The following AQR variants were observed in gnomAD, a reference collection of about 807,000 sequenced individuals.
The protein encoded by AQR is aquarius intron-binding spliceosomal factor, also known as RNA helicase aquarius.
A neutral mutation model predicts 180.5 loss-of-function variants in AQR; 61 were observed. The ratio of observed to expected loss-of-function variants is 0.34; its 90% CI spans 0.28 to 0.42. The LOEUF is 0.42. Among genes scored for constraint, AQR ranks in the 10% least tolerant of loss-of-function variants. The pLI is 1.00. For missense variants in AQR, 1,281 were observed against 1,798.3 expected (o/e 0.71, Z 5.20); for synonymous variants, 551 against 588.8 (o/e 0.94, Z 0.93).
At chr15:34,860,878 T>G (rs532212799) in intron 33 of AQR, among the ~76,000 whole-genome samples, 1 of 152,278 alleles carries the variant, frequency 6.6e-6, no homozygotes, top group African/African-American at 2.4e-5. Context: ...ATTCAGAAGG[T>G]CTGGGTGGAA....
intron 30 of AQR, among the ~76,000 whole-genome samples, chr15:34,872,917 G>A (rs1411876131): frequency 6.6e-6 from 1 of 152,064 alleles, no homozygotes; most frequent in East Asian, 1.9e-4. Flanking sequence ...TGATGTATAT[G>A]CTGCCAGGTC....
intron 3 of AQR, 83 bp downstream of exon 3, chr15:34,960,691 G>A (rs982726187): frequency 3.0e-5 from 19 of 631,670 alleles, no homozygotes; most frequent in Non-Finnish European, 5.1e-5. Flanking sequence ...AAGGGTTCAA[G>A]TTATGATCAC....
In AQR at chr15:34,870,787, A is replaced by G; in HGVS notation, c.3733T>C (p.Cys1245Arg). The change falls in exon 31 of 35, where the codon TGT becomes CGT. Residue 1245 changes from cysteine (C) to arginine (R), a missense_variant. This residue lies in a region of AQR where 197 missense variants were observed against 320.7 expected (regional missense o/e 0.61). Transcript: ENST00000156471. ...HLIRDIINRR[C>R]GNNPLIGRPN... is the part of the protein sequence containing the mutation. ...CTTCCAATCAATGGATTGTTTCCAC[A>G]TCGTCTATTGATGATGTCGCGAATA... is the stretch of plus-strand genomic sequence containing the variant. 1 of 1,612,854 alleles carries G rather than the reference A, an allele frequency of 6.2e-7. No individual in the cohort carries two copies.
chr15:34,875,932 T>C lies in AQR; in HGVS notation c.3237+3A>G, dbSNP rs766568042. 1.9e-6 allele frequency: 3 copies of C among 1,602,508 alleles called. No homozygotes were observed. Among genetic ancestry groups the C allele is most frequent in the South Asian group, 1.1e-5 (1 of 90,706 alleles). On this transcript the variant is annotated splice_donor_region_variant and intron_variant, in intron 28 of 34. Transcript: ENST00000156471. ...TCTTTGCCTCAGATCTTATATTTCT[T>C]ACCTGTAGAAGAAGAGGGATAAAAG...
chr15:34,893,388 C>T (rs1399146437), intron 23 of AQR, among the ~76,000 whole-genome samples: 1 of 152,044 alleles, frequency 6.6e-6, no homozygotes. Context: ...TCACGGGAAA[C>T]CAGGAGCTAA....
At chr15:34,929,722 AAAACAGAAATAGCTGGATTACTTT>A (rs1244931934) in intron 12 of AQR, among the ~76,000 whole-genome samples, 147 of 152,342 alleles carry the variant, frequency 9.6e-4, no homozygotes, top group Middle Eastern at 3.4e-3. Context: ...AAGACTCTTT[AAAACAGAAATAGCTGGATTACTTT>A]AAACAGAAAT....
At chr15:34,881,254 A>G (rs3896311) in intron 27 of AQR, among the ~76,000 whole-genome samples, 4,309 of 152,316 alleles carry the variant, frequency 0.028, 203 homozygotes, top group African/African-American at 0.094. Context: ...ACTGGGGTAC[A>G]TTCACACTAC....
intron 3 of AQR, among the ~76,000 whole-genome samples, chr15:34,959,803 C>T (rs1410412812): frequency 1.3e-5 from 2 of 152,188 alleles, no homozygotes; most frequent in Non-Finnish European, 2.9e-5. Flanking sequence ...AAGCTGACTA[C>T]TACAATGCTC....
At position 34,851,886 on chromosome 15, in the gene AQR, C is replaced by T. The variant is rs1415854596; in HGVS notation, c.*4906G>A. On this transcript the variant is annotated 3_prime_UTR_variant, in exon 35 of 35. Transcript: ENST00000156471. Reference sequence around the variant, plus strand: ...AATGTAAACAGAGAATGCTCAGTGACCTTTTCTTAGGAGGCTCACATGAAG... The same window carrying T: ...AATGTAAACAGAGAATGCTCAGTGATCTTTTCTTAGGAGGCTCACATGAAG... 6.6e-6 allele frequency: 1 copy of T among 152,174 alleles called. No individual in the cohort carries two copies. Among genetic ancestry groups the T allele is most frequent in the Admixed American group, 6.5e-5 (1 of 15,278 alleles). 9.4% of individuals were successfully genotyped at this position (152,174 alleles called of 1,614,324 possible).
chr15:34,901,619 C>T (rs950077223), intron 19 of AQR, among the ~76,000 whole-genome samples: 3 of 152,084 alleles, frequency 2.0e-5, no homozygotes, highest in East Asian at 1.9e-4. Context: ...ATAACCAAAC[C>T]GACCATTTTT....
intron 14 of AQR, among the ~76,000 whole-genome samples, chr15:34,919,302 T>C (rs934588686): frequency 6.6e-6 from 1 of 151,290 alleles, no homozygotes; most frequent in Non-Finnish European, 1.5e-5. Flanking sequence ...TAAAATGACA[T>C]ATTCTTAAAA....
At chr15:34,894,701 AACT>A (rs1893203825) in intron 22 of AQR, among the ~76,000 whole-genome samples, 1 of 152,168 alleles carries the variant, frequency 6.6e-6, no homozygotes, top group Non-Finnish European at 1.5e-5. Flanking sequence ...CACATAAAAC[AACT>A]ACAATACAAA....
chr15:34,948,287 T>TA lies in AQR; in HGVS notation c.306dup (p.Arg103Ter). 1 of 1,613,768 alleles carries TA rather than the reference T, an allele frequency of 6.2e-7. No individual in the cohort carries two copies. The highest frequency in any genetic ancestry group is 8.5e-7 in the Non-Finnish European group (1 of 1,179,956). On this transcript the variant is annotated frameshift_variant, in exon 5 of 35. Coordinates refer to ENST00000156471, the MANE Select transcript of AQR (RefSeq NM_014691.3). LOFTEE classifies it high-confidence loss of function. ...ACCTCCCATGCAGGCACGTTTTCTC[T>TA]AAACTTCTCATTCACCATACAGCAG...
intron 2 of AQR, among the ~76,000 whole-genome samples, chr15:34,962,418 C>T (rs538991763): frequency 6.6e-5 from 10 of 152,254 alleles, no homozygotes; most frequent in African/African-American, 2.4e-4. Context: ...CTTGTTCAAT[C>T]TAGATGAAAT....
chr15:34,962,453 T>C (rs1267218365), intron 2 of AQR, among the ~76,000 whole-genome samples: 1 of 152,146 alleles, frequency 6.6e-6, no homozygotes. Flanking sequence ...TTCATCAAAT[T>C]TCAAATTAAA....
chr15:34,890,812 A>G lies in AQR; in HGVS notation c.2572-488T>C, dbSNP rs544241207. 1.9e-3 allele frequency among the ~76,000 whole-genome samples: 287 copies of G among 152,338 alleles called. 1 individual carries two copies. The highest frequency in any genetic ancestry group is 3.4e-3 in the Non-Finnish European group (231 of 68,032). On this transcript the variant is annotated intron_variant, in intron 23 of 34. Transcript: ENST00000156471. ...CTGAAAGTCTAATGTTCTCAATATA[A>G]TAAAGAGCAGAGCACTCATTTATTG...
rs149915302 is a variant in AQR at position 34,940,808 on chromosome 15, A to G, written c.641+91T>C. 5.8e-5 allele frequency: 54 copies of G among 928,708 alleles called. No homozygotes were observed. In the African/African-American group the frequency reaches 8.2e-4, roughly 14 times the overall value. 57.5% of individuals were successfully genotyped at this position (928,708 alleles called of 1,614,324 possible). A position where few individuals can be genotyped will look rare whatever the true frequency, so the allele number is the denominator to read the frequency against. ...TAATAATTTATTTGCACTCAGCACT[A>G]TATAAAGGGAAACAACAAACCAGTC... On this transcript the variant is annotated intron_variant, in intron 8 of 34. Coordinates refer to ENST00000156471, the MANE Select transcript of AQR (RefSeq NM_014691.3).
intron 28 of AQR, among the ~76,000 whole-genome samples, chr15:34,875,426 T>C (rs544291747): frequency 1.3e-5 from 2 of 152,300 alleles, no homozygotes; most frequent in African/African-American, 4.8e-5. Context: ...TCAATTTATC[T>C]GCATATTAGA....
At chr15:34,866,093 G>A (rs374590612) in intron 32 of AQR, among the ~76,000 whole-genome samples, 1 of 152,096 alleles carries the variant, frequency 6.6e-6, no homozygotes, top group South Asian at 2.1e-4. Flanking sequence ...AATATGGCAG[G>A]AAGTAGGTTT....
Sources: allele counts gnomAD v4.1 joint callset (sites outside exome capture counted in the v4.1 genomes callset), GRCh38; gene constraint gnomAD v4.1.1; regional missense constraint gnomAD v4.1.1; transcripts MANE v1.5; gene names NCBI Gene and HGNC (gene_info 2026-07-23, HGNC 2026-07-21).